Variants in MDH2 observed in about 807,000 individuals in gnomAD.
The protein encoded by MDH2 is malate dehydrogenase, mitochondrial.
In MDH2, 25 loss-of-function variants were observed where a neutral mutation model predicts 33.6. The observed-to-expected ratio is 0.74, with a 90% CI of 0.54 to 1.04. MDH2 has a LOEUF of 1.04. MDH2 is among the 50% of genes least tolerant of loss of function. MDH2 has a pLI of 0.00. For synonymous variants in MDH2, 193 were observed against 188.7 expected (o/e 1.02, Z -0.19); for missense variants, 432 against 445.0 (o/e 0.97, Z 0.26).
At chr7:76,062,207 C>A (rs1554587118) in intron 5 of MDH2, among the ~76,000 whole-genome samples, 1 of 152,248 alleles carries the variant, frequency 6.6e-6, no homozygotes, top group Non-Finnish European at 1.5e-5. Context: ...CCACCATATT[C>A]CCTTTCAACG....
intron 1 of MDH2, among the ~76,000 whole-genome samples, chr7:76,052,875 C>G (rs570706132): frequency 6.6e-6 from 1 of 151,944 alleles, no homozygotes; most frequent in African/African-American, 2.4e-5. Flanking sequence ...TGGAATCTTG[C>G]TCTGTTTCCC....
At chr7:76,054,513 G>C (rs1329015685) in intron 1 of MDH2, 1 of 352,488 alleles carries the variant, frequency 2.8e-6, no homozygotes, top group South Asian at 2.7e-5. Flanking sequence ...AGTTTATAAA[G>C]CTGCAGGTTG....
At chr7:76,048,911 C>T in intron 1 of MDH2, 1 of 1,035,560 alleles carries the variant, frequency 9.7e-7, no homozygotes, top group Non-Finnish European at 1.1e-6. Context: ...TTAAACTCTG[C>T]AGTGTGTCAG....
At chr7:76,049,174 A>C in intron 1 of MDH2, 11 of 874,456 alleles carry the variant, frequency 1.3e-5, no homozygotes, top group Non-Finnish European at 1.5e-5. Context: ...ATAAATACAA[A>C]TGCTCCTGGA....
chr7:76,066,290 C>A lies in MDH2; in HGVS notation c.897C>A (p.Ile299=), dbSNP rs782678704. The part of the protein sequence containing the change: ...STPLLLGKKG[I]EKNLGIGKVS... Reference sequence around the variant, plus strand: ...CCCATCTCCCTCAGAAAAAGGGCATCGAGAAGAACCTGGGCATCGGCAAAG... The same window carrying A: ...CCCATCTCCCTCAGAAAAAGGGCATAGAGAAGAACCTGGGCATCGGCAAAG... The change falls in exon 9 of 9, where the codon ATC becomes ATA. Residue 299 remains isoleucine, a synonymous_variant. Coordinates refer to ENST00000315758, the MANE Select transcript of MDH2 (RefSeq NM_005918.4). The A allele has an allele frequency of 3.7e-6, 6 of 1,607,452 alleles. No individual in the cohort carries two copies. Among genetic ancestry groups the A allele is most frequent in the Non-Finnish European group, 5.1e-6 (6 of 1,177,094 alleles).
In MDH2 at chr7:76,066,512, TTACTG is replaced by T; in HGVS notation, c.*105_*109del. 1.4e-6 allele frequency: 2 copies of T among 1,413,032 alleles called. No homozygotes were observed. Among genetic ancestry groups the T allele is most frequent in the Non-Finnish European group, 1.9e-6 (2 of 1,063,038 alleles). 87.5% of individuals were successfully genotyped at this position (1,413,032 alleles called of 1,614,324 possible). ...GTATTTTAATTTGCTTTGGTGATGATTACTGTATTGACATCATCATGCCTTCCAAA... is the reference window on the plus strand; with the variant it reads ...GTATTTTAATTTGCTTTGGTGATGATTATTGACATCATCATGCCTTCCAAA... On this transcript the variant is annotated 3_prime_UTR_variant, in exon 9 of 9. Coordinates refer to ENST00000315758, the MANE Select transcript of MDH2 (RefSeq NM_005918.4).
At chr7:76,052,582 G>C (rs1455060039) in intron 1 of MDH2, among the ~76,000 whole-genome samples, 1 of 114,560 alleles carries the variant, frequency 8.7e-6, no homozygotes, top group South Asian at 2.8e-4. Flanking sequence ...TTTTTTTTTT[G>C]AGATAGACTG....
At chr7:76,049,078 C>T in intron 1 of MDH2, 1 of 983,536 alleles carries the variant, frequency 1.0e-6, no homozygotes, top group Non-Finnish European at 1.2e-6. Flanking sequence ...TTAATTACGA[C>T]GCCCAAGAGG....
intron 4 of MDH2, among the ~76,000 whole-genome samples, chr7:76,059,503 G>C (rs1554586707): frequency 6.6e-6 from 1 of 152,226 alleles, no homozygotes; most frequent in East Asian, 1.9e-4. Flanking sequence ...GAAACGTTGA[G>C]TGCTGCGTCC....
At position 76,066,302 on chromosome 7, in the gene MDH2, G is replaced by C. The variant is rs376135271; in HGVS notation, c.909G>C (p.Leu303=). ...AGAAAAAGGGCATCGAGAAGAACCT[G>C]GGCATCGGCAAAGTCTCCTCTTTTG... ...LLGKKGIEKN[L]GIGKVSSFEE... is the part of the protein sequence containing the mutation. Residue 303 remains leucine (L), a synonymous_variant, in exon 9 of 9, where the codon CTG becomes CTC. Transcript: ENST00000315758. 1.2e-4 allele frequency: 193 copies of C among 1,609,936 alleles called. No homozygotes were observed. The highest frequency in any genetic ancestry group is 1.6e-4 in the Non-Finnish European group (184 of 1,178,356).
At chr7:76,049,930 G>A (rs1797562440) in intron 1 of MDH2, among the ~76,000 whole-genome samples, 1 of 152,068 alleles carries the variant, frequency 6.6e-6, no homozygotes, top group South Asian at 2.1e-4. Flanking sequence ...CTCCCAGGTT[G>A]GAGCGATTCT....
chr7:76,051,979 G>A (rs890681728), intron 1 of MDH2, among the ~76,000 whole-genome samples: 3 of 152,126 alleles, frequency 2.0e-5, no homozygotes, highest in African/African-American at 7.2e-5. Context: ...TTGTGGTTTT[G>A]TAAAAATTAA....
chr7:76,066,501 T>A lies in MDH2; in HGVS notation c.*91T>A. 6.8e-7 allele frequency: 1 copy of A among 1,460,286 alleles called. No individual in the cohort carries two copies. Among genetic ancestry groups the A allele is most frequent in the Non-Finnish European group, 9.1e-7 (1 of 1,096,196 alleles). 90.5% of individuals were successfully genotyped at this position (1,460,286 alleles called of 1,614,324 possible). A position where few individuals can be genotyped will look rare whatever the true frequency, so the allele number is the denominator to read the frequency against. On this transcript the variant is annotated 3_prime_UTR_variant, in exon 9 of 9. Transcript: ENST00000315758. ...AGATAAACTTTGTATTTTAATTTGCTTTGGTGATGATTACTGTATTGACAT... is the reference window on the plus strand; with the variant it reads ...AGATAAACTTTGTATTTTAATTTGCATTGGTGATGATTACTGTATTGACAT...
chr7:76,064,445 T>A lies in MDH2; in HGVS notation c.733+7T>A. 1.2e-6 allele frequency: 2 copies of A among 1,609,056 alleles called. No homozygotes were observed. Among genetic ancestry groups the A allele is most frequent in the Non-Finnish European group, 1.7e-6 (2 of 1,177,834 alleles). ...AAGGCTAAAGCCGGAGCAGGTAGAG[T>A]CTCAGGCAGCCCCGGGGCTGGGTGC... On this transcript the variant is annotated splice_region_variant and intron_variant, in intron 7 of 8. Coordinates refer to ENST00000315758, the MANE Select transcript of MDH2 (RefSeq NM_005918.4).
chr7:76,048,727 G>C, intron 1 of MDH2: 1 of 1,234,634 alleles, frequency 8.1e-7, no homozygotes, highest in Non-Finnish European at 1.0e-6. Context: ...CAGAGGATTA[G>C]AATTCAGCGC....
chr7:76,048,813 A>G (rs1797442531), intron 1 of MDH2: 34 of 1,218,048 alleles, frequency 2.8e-5, no homozygotes, highest in Non-Finnish European at 3.3e-5. Flanking sequence ...GCCTGCCGCC[A>G]GGTGTCTTAA....
chr7:76,053,874 C>T (rs577280407), intron 1 of MDH2, among the ~76,000 whole-genome samples: 2 of 151,998 alleles, frequency 1.3e-5, no homozygotes, highest in African/African-American at 4.8e-5. Flanking sequence ...AGAGTGCCTT[C>T]GAATAACGGG....
chr7:76,065,070 G>C, intron 8 of MDH2, 117 bp downstream of exon 8: 2 of 1,273,622 alleles, frequency 1.6e-6, no homozygotes, highest in Non-Finnish European at 2.2e-6. Flanking sequence ...TGCCTGGCGA[G>C]TGCTGTTGTT....
intron 7 of MDH2, 96 bp from the exon 8 acceptor site, chr7:76,064,706 G>T: frequency 7.3e-7 from 1 of 1,368,202 alleles, no homozygotes; most frequent in Non-Finnish European, 9.9e-7. Context: ...CCACTGTCAG[G>T]CTGGAAGGTG....
Sources: gnomAD v4.1 joint callset for allele counts (sites outside exome capture counted in the v4.1 genomes callset) on GRCh38, gnomAD v4.1.1 for gene constraint, MANE v1.5 for transcripts, NCBI Gene and HGNC (gene_info 2026-07-23, HGNC 2026-07-21) for gene names.